Variants in PCDH11Y observed in about 807,000 individuals in gnomAD.
PCDH11Y encodes protocadherin 11 Y-linked.
For missense variants in PCDH11Y, 12 were observed against 224.8 expected, an observed-to-expected ratio of 0.05 and a Z score of 6.05; for synonymous variants, 9 against 83.6, an observed-to-expected ratio of 0.11 and a Z score of 4.87.
chrY:5,249,427 C>G (rs2053001292), intron 2 of PCDH11Y, among the ~76,000 whole-genome samples: 32 of 31,766 alleles, frequency 1.0e-3, no homozygotes, highest in Non-Finnish European at 2.4e-3. Flanking sequence ...CTCAGAAATA[C>G]CACCACACAT....
intron 2 of PCDH11Y, among the ~76,000 whole-genome samples, chrY:5,455,729 C>A: frequency 6.1e-5 from 2 of 32,568 alleles, no homozygotes; most frequent in African/African-American, 1.2e-4. Context: ...AGGGCAGGAG[C>A]AAGTCAGGGG....
chrY:5,425,904 G>A, intron 2 of PCDH11Y, among the ~76,000 whole-genome samples: 4 of 32,537 alleles, frequency 1.2e-4, no homozygotes, highest in African/African-American at 4.8e-4. Context: ...TAGCTCACAG[G>A]AATTATCTTC....
intron 4 of PCDH11Y, among the ~76,000 whole-genome samples, chrY:5,716,391 C>T: frequency 2.2e-4 from 7 of 31,630 alleles, no homozygotes; most frequent in East Asian, 8.3e-4. Flanking sequence ...TAAACTTGCA[C>T]GATATGAAAT....
intron 3 of PCDH11Y, among the ~76,000 whole-genome samples, chrY:5,530,468 A>G (rs2053391712): frequency 1.2e-4 from 4 of 33,068 alleles, no homozygotes; most frequent in Non-Finnish European, 3.0e-4. Context: ...ATACAGTGCT[A>G]ATGACCTAGC....
chrY:5,323,049 C>T (rs2053114784), intron 2 of PCDH11Y, among the ~76,000 whole-genome samples: 2 of 32,638 alleles, frequency 6.1e-5, no homozygotes, highest in Non-Finnish European at 1.5e-4. Context: ...TGAATTTGCT[C>T]ATAATTTTGT....
At chrY:5,708,339 A>G (rs2053584371) in intron 4 of PCDH11Y, among the ~76,000 whole-genome samples, 1 of 33,198 alleles carries the variant, frequency 3.0e-5, no homozygotes. Context: ...ATGCACAAAA[A>G]ACCGGAATAT....
intron 2 of PCDH11Y, among the ~76,000 whole-genome samples, chrY:5,491,392 C>T: frequency 3.0e-5 from 1 of 33,208 alleles, no homozygotes. Context: ...CTACCCACTC[C>T]GTGTCTTCTG....
At chrY:5,606,171 TA>T (rs2053478531) in intron 4 of PCDH11Y, among the ~76,000 whole-genome samples, 3 of 30,657 alleles carry the variant, frequency 9.8e-5, no homozygotes, top group African/African-American at 3.8e-4. Flanking sequence ...TTTTATTTTT[TA>T]TTTTTTTTTA....
At chrY:5,094,118 C>A (rs2052746262) in intron 1 of PCDH11Y, among the ~76,000 whole-genome samples, 1 of 33,361 alleles carries the variant, frequency 3.0e-5, no homozygotes, top group African/African-American at 1.2e-4. Context: ...TGTGTCGATG[C>A]TGAAGATAGG....
At chrY:5,105,784 T>C (rs2052791496), downstream of PCDH11Y, among the ~76,000 whole-genome samples, 1 of 33,114 alleles carries the variant, frequency 3.0e-5, no homozygotes, top group Non-Finnish European at 7.4e-5. Flanking sequence ...CTCCCTGATA[T>C]TTTGAAAAAA....
At chrY:5,486,172 T>A in intron 2 of PCDH11Y, among the ~76,000 whole-genome samples, 1 of 33,603 alleles carries the variant, frequency 3.0e-5, no homozygotes, top group Non-Finnish European at 7.4e-5. Context: ...GTTTGAAGAA[T>A]GATTCTTCTG....
At chrY:5,716,680 G>A (rs2053590208) in intron 4 of PCDH11Y, among the ~76,000 whole-genome samples, 1 of 33,071 alleles carries the variant, frequency 3.0e-5, no homozygotes, top group Admixed American at 2.8e-4. Context: ...CAGATTTAAT[G>A]TAATCCCTAT....
intron 2 of PCDH11Y, among the ~76,000 whole-genome samples, chrY:5,128,947 G>A: frequency 3.0e-5 from 1 of 33,216 alleles, no homozygotes; most frequent in Non-Finnish European, 7.4e-5. Context: ...CAAACAAAAT[G>A]TTTGTGAAAT....
chrY:5,301,813 C>T, intron 2 of PCDH11Y, among the ~76,000 whole-genome samples: 1 of 31,538 alleles, frequency 3.2e-5, no homozygotes, highest in Non-Finnish European at 7.7e-5. Flanking sequence ...TGAAGGTAAC[C>T]TGATTTTTTT....
intron 4 of PCDH11Y, among the ~76,000 whole-genome samples, chrY:5,663,840 A>G: frequency 3.2e-5 from 1 of 31,643 alleles, no homozygotes; most frequent in Non-Finnish European, 7.6e-5. Context: ...CTTAGGTGCC[A>G]TTGAAGACAC....
rs1359588576 is a variant in PCDH11Y at position 5,621,266 on chromosome Y, G to A, written c.3352+39468G>A. 1.7e-3 allele frequency among the ~76,000 whole-genome samples: 56 copies of A among 32,275 alleles called. No homozygotes were observed. In the East Asian group the frequency reaches 0.042, roughly 24 times the overall value. The allele number at this position is 32,275 out of a possible 37,273, so 86.6% of individuals were successfully genotyped here. A position where few individuals can be genotyped will look rare whatever the true frequency, so the allele number is the denominator to read the frequency against. ...TACACCAACAAAAGGCAAGCAGAGA[G>A]CAAAATCATGAATGAACTATCATTC... On this transcript the variant is annotated intron_variant, in intron 4 of 4. Coordinates refer to the PCDH11Y transcript ENST00000400457.
intron 4 of PCDH11Y, among the ~76,000 whole-genome samples, chrY:5,621,431 G>C: frequency 3.1e-5 from 1 of 32,537 alleles, no homozygotes; most frequent in East Asian, 8.1e-4. Flanking sequence ...CCAGGCTCAT[G>C]GATAGGAAGA....
chrY:5,028,608 C>CA (rs755651474), intron 1 of PCDH11Y, among the ~76,000 whole-genome samples: 19 of 14,618 alleles, frequency 1.3e-3, no homozygotes, highest in Admixed American at 2.7e-3. Flanking sequence ...CTCATCTCTA[C>CA]AAAAAAAAAA....
chrY:5,689,586 A>T (rs2053566460), intron 4 of PCDH11Y, among the ~76,000 whole-genome samples: 1 of 33,594 alleles, frequency 3.0e-5, no homozygotes, highest in Non-Finnish European at 7.4e-5. Flanking sequence ...TGATCATATT[A>T]GTCTATTGAG....
Sources: allele counts gnomAD v4.1 joint callset (sites outside exome capture counted in the v4.1 genomes callset), GRCh38; gene constraint gnomAD v4.1.1; transcripts MANE v1.5; gene names NCBI Gene and HGNC (gene_info 2026-07-23, HGNC 2026-07-21).